Variants in ATG7 observed in about 807,000 individuals in gnomAD.
The protein encoded by ATG7 is autophagy related 7.
In ATG7, 70 loss-of-function variants were observed where a neutral mutation model predicts 82.4. That is an observed-to-expected ratio of 0.85 (90% CI 0.70 to 1.04). ATG7 has a LOEUF of 1.04. Among genes scored for constraint, ATG7 ranks in the 50% least tolerant of loss-of-function variants. The probability of loss-of-function intolerance (pLI) is 0.00; values close to 1 mark genes in which losing one functional copy is unlikely to be tolerated. For synonymous variants in ATG7, 287 were observed against 313.0 expected, an observed-to-expected ratio of 0.92 and a Z score of 0.88; for missense variants, 792 against 864.3, an observed-to-expected ratio of 0.92 and a Z score of 1.05.
At chr3:11,456,642 C>T (rs979958167) in intron 20 of ATG7, among the ~76,000 whole-genome samples, 5 of 152,138 alleles carry the variant, frequency 3.3e-5, no homozygotes, top group Non-Finnish European at 7.3e-5. Context: ...CCCTTGAGAG[C>T]TGAAAAGAAG....
intron 20 of ATG7, among the ~76,000 whole-genome samples, chr3:11,514,832 T>C (rs1476208184): frequency 6.6e-6 from 1 of 150,424 alleles, no homozygotes; most frequent in African/African-American, 2.4e-5. Flanking sequence ...CAAGTGCATC[T>C]GGTCTAGGTT....
chr3:11,314,010 A>G (rs1425130476), intron 8 of ATG7, among the ~76,000 whole-genome samples: 1 of 152,230 alleles, frequency 6.6e-6, no homozygotes, highest in Admixed American at 6.5e-5. Flanking sequence ...TGAAACACTG[A>G]AAGAATTTAC....
In ATG7 at chr3:11,348,201, A is replaced by G. The variant is rs1034048403; in HGVS notation, c.1284+166A>G. ...TTTCCTCATCTCAGAGAGGGATAAA[A>G]AAACACAACCAGGTCAGGCATGGTG... On this transcript the variant is annotated intron_variant, in intron 14 of 20. Coordinates refer to ENST00000693202, the MANE Select transcript of ATG7 (RefSeq NM_001349232.2). The G allele has an allele frequency of 6.2e-6, 6 of 971,548 alleles. No individual in the cohort carries two copies. The African/African-American group carries it at 6.6e-5, about 11-fold the overall frequency. 60.2% of individuals were successfully genotyped at this position (971,548 alleles called of 1,614,324 possible). A position where few individuals can be genotyped will look rare whatever the true frequency, so the allele number is the denominator to read the frequency against.
At position 11,527,041 on chromosome 3, in the gene ATG7, A is replaced by ATG. The variant is rs370131709; in HGVS notation, c.2080-27740_2080-27739dup. On this transcript the variant is annotated intron_variant, in intron 20 of 20. Coordinates refer to ENST00000693202, the MANE Select transcript of ATG7 (RefSeq NM_001349232.2). ...AGTATATATATGTGTGTGTGTATATATGTGTGTGTGTGTGTGTGTGTGTGT... is the reference window on the plus strand; with the variant it reads ...AGTATATATATGTGTGTGTGTATATATGTGTGTGTGTGTGTGTGTGTGTGTGT... 7.5e-3 allele frequency among the ~76,000 whole-genome samples: 1,044 copies of ATG among 138,300 alleles called. 8 individuals carry two copies. The highest frequency in any genetic ancestry group is 0.026 in the African/African-American group (962 of 37,446). The allele number at this position is 138,300 out of a possible 152,430, so 90.7% of individuals were successfully genotyped here.
chr3:11,468,774 G>GT (rs1361773656), intron 20 of ATG7, among the ~76,000 whole-genome samples: 1 of 152,204 alleles, frequency 6.6e-6, no homozygotes, highest in African/African-American at 2.4e-5. Flanking sequence ...AATGTTACGT[G>GT]TGTGTATTAT....
At chr3:11,573,994 G>A in the ATG7 span, among the ~76,000 whole-genome samples, 2 of 152,164 alleles carry the variant, frequency 1.3e-5, no homozygotes, top group Non-Finnish European at 2.9e-5. Flanking sequence ...AGAGAAGACC[G>A]TCATCAACAA....
chr3:11,407,652 C>G (rs2080476426), intron 19 of ATG7, among the ~76,000 whole-genome samples: 1 of 152,210 alleles, frequency 6.6e-6, no homozygotes, highest in South Asian at 2.1e-4. Context: ...CATAGGTTCC[C>G]AAACCTCAAT....
chr3:11,356,396 TG>T (rs2075936800), intron 14 of ATG7, among the ~76,000 whole-genome samples: 1 of 152,196 alleles, frequency 6.6e-6, no homozygotes, highest in South Asian at 2.1e-4. Flanking sequence ...TTAAATGGTC[TG>T]GGGAAAAGCC....
At chr3:11,533,746 T>C (rs1325742435) in intron 20 of ATG7, among the ~76,000 whole-genome samples, 1 of 152,112 alleles carries the variant, frequency 6.6e-6, no homozygotes, top group Non-Finnish European at 1.5e-5. Flanking sequence ...AAATGTAGCC[T>C]TACATTTTGA....
chr3:11,565,005 T>C, the ATG7 span: 16 of 1,494,264 alleles, frequency 1.1e-5, no homozygotes, highest in Non-Finnish European at 1.2e-5. The surrounding 1 kb of genome is among the most constrained non-coding windows in gnomAD (Gnocchi z 4.1). Flanking sequence ...GCAGTCTCCA[T>C]TGGCAGTCTT....
intron 20 of ATG7, among the ~76,000 whole-genome samples, chr3:11,547,906 G>T (rs1297764958): frequency 1.3e-5 from 2 of 152,084 alleles, no homozygotes; most frequent in Admixed American, 1.3e-4. Context: ...AAGTGGCATG[G>T]TCATGGCTCA....
At chr3:11,570,685 T>C in the ATG7 span, among the ~76,000 whole-genome samples, 34 of 152,326 alleles carry the variant, frequency 2.2e-4, no homozygotes, top group Non-Finnish European at 3.8e-4. Context: ...GCAAAGACTT[T>C]TTTCTGAAAA....
At chr3:11,559,181 T>G, downstream of ATG7, 1 of 1,333,108 alleles carries the variant, frequency 7.5e-7, no homozygotes, top group Non-Finnish European at 9.9e-7. Context: ...TGCGCAACGC[T>G]AGGCGCACAC....
At chr3:11,480,239 A>G (rs2088779388) in intron 20 of ATG7, among the ~76,000 whole-genome samples, 1 of 152,064 alleles carries the variant, frequency 6.6e-6, no homozygotes, top group Non-Finnish European at 1.5e-5. Context: ...CCTGGAATCA[A>G]TTTTTAAAAC....
At chr3:11,546,057 G>A (rs1226635429) in intron 20 of ATG7, among the ~76,000 whole-genome samples, 1 of 121,256 alleles carries the variant, frequency 8.2e-6, no homozygotes, top group Admixed American at 8.9e-5. Flanking sequence ...AGGATTGCTT[G>A]AGCCTGGGAG....
At chr3:11,562,440 C>T (rs1161580707), downstream of ATG7, among the ~76,000 whole-genome samples, 3 of 152,198 alleles carry the variant, frequency 2.0e-5, no homozygotes, top group African/African-American at 7.2e-5. Context: ...CTGCAGCATG[C>T]GTCCTGCCTG....
chr3:11,559,718 TG>T (rs2072795341), downstream of ATG7, among the ~76,000 whole-genome samples: 1 of 152,188 alleles, frequency 6.6e-6, no homozygotes, highest in Non-Finnish European at 1.5e-5. Flanking sequence ...ACTGTTGAGT[TG>T]GTCTGTCCCC....
At chr3:11,563,350 G>A in the ATG7 span, among the ~76,000 whole-genome samples, 1 of 152,248 alleles carries the variant, frequency 6.6e-6, no homozygotes, top group African/African-American at 2.4e-5. Context: ...GCATTACAAT[G>A]CCTGTTGAGC....
chr3:11,331,509 C>A, intron 10 of ATG7, 81 bp downstream of exon 10: 1 of 1,173,716 alleles, frequency 8.5e-7, no homozygotes, highest in Non-Finnish European at 1.3e-6. Flanking sequence ...CTATTTGTAT[C>A]TCTGTTTTCC....
Sources: allele counts gnomAD v4.1 joint callset (sites outside exome capture counted in the v4.1 genomes callset), GRCh38; gene constraint gnomAD v4.1.1; non-coding constraint Gnocchi (gnomAD v3.1); transcripts MANE v1.5; gene names NCBI Gene and HGNC (gene_info 2026-07-23, HGNC 2026-07-21).